NPHP1: variants seen among roughly 807,000 people sequenced by gnomAD.
The protein encoded by NPHP1 is nephrocystin-1.
Under a neutral mutation model 90.4 loss-of-function variants are expected in NPHP1, and 70 were observed. That is an observed-to-expected ratio of 0.77 (90% confidence interval 0.64 to 0.95). NPHP1 has a LOEUF of 0.95. Ranked by LOEUF, NPHP1 falls within the 40% of genes least tolerant of loss-of-function variation. The probability of loss-of-function intolerance (pLI) is 0.00; values close to 1 mark genes in which losing one functional copy is unlikely to be tolerated. For synonymous variants in NPHP1, 256 were observed against 271.7 expected, an observed-to-expected ratio of 0.94 and a Z score of 0.57; for missense variants, 764 against 795.9, an observed-to-expected ratio of 0.96 and a Z score of 0.48.
At chr2:110,189,607 G>A (rs1218366952) in intron 2 of NPHP1, among the ~76,000 whole-genome samples, 2 of 152,148 alleles carry the variant, frequency 1.3e-5, no homozygotes, top group Non-Finnish European at 2.9e-5. Context: ...ACCCAAGCGG[G>A]TTGCCATTGC....
At chr2:110,131,087 G>T (rs1223041026) in intron 17 of NPHP1, among the ~76,000 whole-genome samples, 1 of 152,112 alleles carries the variant, frequency 6.6e-6, no homozygotes, top group Non-Finnish European at 1.5e-5. Flanking sequence ...TTTTCTTTTT[G>T]AAGGCAATTA....
intron 4 of NPHP1, among the ~76,000 whole-genome samples, chr2:110,175,986 A>AGAT: frequency 6.6e-6 from 1 of 152,038 alleles, no homozygotes; most frequent in East Asian, 1.9e-4. Context: ...TCTTCTATTA[A>AGAT]ACCACTCAGC....
At chr2:110,182,773 G>A (rs966743097) in intron 2 of NPHP1, among the ~76,000 whole-genome samples, 3 of 152,024 alleles carry the variant, frequency 2.0e-5, no homozygotes, top group African/African-American at 7.2e-5. Flanking sequence ...ATGATGATAG[G>A]ATCAAACTCA....
chr2:110,151,207 A>G (rs1174458115), intron 11 of NPHP1, among the ~76,000 whole-genome samples: 3 of 150,536 alleles, frequency 2.0e-5, no homozygotes, highest in Admixed American at 6.6e-5. Flanking sequence ...CCATACAAGC[A>G]TTTCACATGC....
intron 14 of NPHP1, among the ~76,000 whole-genome samples, chr2:110,145,504 G>A (rs1399354239): frequency 6.6e-6 from 1 of 151,940 alleles, no homozygotes; most frequent in Non-Finnish European, 1.5e-5. Flanking sequence ...TGCCCAGGCT[G>A]GTCTATAACT....
At position 110,144,616 on chromosome 2, in the gene NPHP1, A is replaced by G. The variant is rs1509419; in HGVS notation, c.1353-47T>C. 0.018 allele frequency: 20,259 copies of G among 1,111,680 alleles called. 2,200 individuals are homozygous for G. In the African/African-American group the frequency reaches 0.25, roughly 14 times the overall value. The allele number at this position is 1,111,680 out of a possible 1,614,324, so 68.9% of individuals were successfully genotyped here. A position where few individuals can be genotyped will look rare whatever the true frequency, so the allele number is the denominator to read the frequency against. ...TGACAGATATAAGCTGTGGGCATGT[A>G]GAAAACACTGGAGTCAGTAGTTAAA... On this transcript the variant is annotated intron_variant, in intron 14 of 19. Coordinates refer to ENST00000445609, the MANE Select transcript of NPHP1 (RefSeq NM_001128178.3).
rs767903893 is a variant in NPHP1, at chr2:110,164,510, G to A, written c.771+178C>T. 37 of 1,256,638 alleles carry A rather than the reference G, an allele frequency of 2.9e-5. No homozygotes were observed. The South Asian group carries it at 4.2e-4, about 14-fold the overall frequency. 77.8% of individuals were successfully genotyped at this position (1,256,638 alleles called of 1,614,324 possible). A position where few individuals can be genotyped will look rare whatever the true frequency, so the allele number is the denominator to read the frequency against. On this transcript the variant is annotated intron_variant, in intron 8 of 19. Transcript: ENST00000445609. ...TACAAAAAAAAAAAAAAACTAATGA[G>A]AAATGTTACTTGGAGCACAGGCTTA...
At position 110,129,278 on chromosome 2, in the gene NPHP1, G is replaced by T. The variant is rs1278218671; in HGVS notation, c.1643-19C>A. The T allele has an allele frequency of 6.3e-7, 1 of 1,596,096 alleles. No homozygotes were observed. Among genetic ancestry groups the T allele is most frequent in the East Asian group, 2.2e-5 (1 of 44,804 alleles). On this transcript the variant is annotated intron_variant, in intron 17 of 19. Transcript: ENST00000445609. ...ATTAAATCTGAAATGCAAAACAACA[G>T]AAAGAATTTTATGCAAACTTCACTC...
chr2:110,142,421 A>G (rs968320923), intron 16 of NPHP1, among the ~76,000 whole-genome samples: 2 of 151,580 alleles, frequency 1.3e-5, no homozygotes, highest in Non-Finnish European at 2.9e-5. Flanking sequence ...AGCTCACTGC[A>G]GCCTCAACCT....
At chr2:110,176,338 T>C (rs1489221741) in intron 4 of NPHP1, among the ~76,000 whole-genome samples, 1 of 152,144 alleles carries the variant, frequency 6.6e-6, no homozygotes, top group Non-Finnish European at 1.5e-5. Flanking sequence ...AATACACCCA[T>C]TTCCCATTTC....
At chr2:110,198,917 T>G (rs1186945577) in intron 2 of NPHP1, among the ~76,000 whole-genome samples, 2 of 151,650 alleles carry the variant, frequency 1.3e-5, no homozygotes, top group East Asian at 3.9e-4. Flanking sequence ...AACGTGAAGA[T>G]AAAATTTAAG....
At chr2:110,175,597 CAT>C (rs2104600619) in intron 4 of NPHP1, among the ~76,000 whole-genome samples, 1 of 152,176 alleles carries the variant, frequency 6.6e-6, no homozygotes, top group Non-Finnish European at 1.5e-5. Flanking sequence ...TTTGTCTCTA[CAT>C]GTTTCCTTTT....
chr2:110,129,782 C>A (rs1031473483), intron 17 of NPHP1, among the ~76,000 whole-genome samples: 10 of 152,152 alleles, frequency 6.6e-5, no homozygotes, highest in Non-Finnish European at 1.2e-4. Flanking sequence ...ATTGAGGATT[C>A]TGGCCATATG....
chr2:110,125,752 C>T, intron 18 of NPHP1, 71 bp from the exon 19 acceptor site: 1 of 1,248,248 alleles, frequency 8.0e-7, no homozygotes, highest in South Asian at 1.2e-5. Context: ...TGCAAATTTA[C>T]TCTGTAAATA....
At chr2:110,127,497 A>G (rs1209292185) in intron 18 of NPHP1, 1 of 152,150 alleles carries the variant, frequency 6.6e-6, no homozygotes, top group Non-Finnish European at 1.5e-5. Flanking sequence ...AGATCCAGAG[A>G]TATTCACCAA....
chr2:110,151,171 A>G (rs1681445597), intron 11 of NPHP1, among the ~76,000 whole-genome samples: 1 of 149,132 alleles, frequency 6.7e-6, no homozygotes, highest in Non-Finnish European at 1.5e-5. Flanking sequence ...GTCTCAAGAA[A>G]AAAAAAAAAA....
intron 6 of NPHP1, among the ~76,000 whole-genome samples, chr2:110,166,231 G>A (rs1476859733): frequency 6.6e-6 from 1 of 152,210 alleles, no homozygotes; most frequent in Non-Finnish European, 1.5e-5. Flanking sequence ...CTTTGAACCA[G>A]TGATGAACAT....
chr2:110,194,322 GA>G (rs1559104995), intron 2 of NPHP1, among the ~76,000 whole-genome samples: 1 of 152,006 alleles, frequency 6.6e-6, no homozygotes, highest in East Asian at 1.9e-4. Context: ...TGATAAAGGG[GA>G]TATCACCACC....
At chr2:110,135,900 A>G (rs928400322) in intron 16 of NPHP1, among the ~76,000 whole-genome samples, 1 of 152,192 alleles carries the variant, frequency 6.6e-6, no homozygotes. Context: ...GAATGTGACC[A>G]CTGTGATGAG....
Sources: allele counts gnomAD v4.1 joint callset (sites outside exome capture counted in the v4.1 genomes callset), GRCh38; gene constraint gnomAD v4.1.1; transcripts MANE v1.5; gene names NCBI Gene and HGNC (gene_info 2026-07-23, HGNC 2026-07-21).